The following CORO1C variants were observed in gnomAD, a reference collection of about 807,000 sequenced individuals.
The protein encoded by CORO1C is coronin 1C.
CORO1C carries 14 observed loss-of-function variants against 51.2 expected under a neutral mutation model. That is an observed-to-expected ratio of 0.27 (90% CI 0.18 to 0.43). The LOEUF (loss-of-function observed/expected upper bound fraction) is 0.43, where lower values mean the gene tolerates loss of function less well. Among genes scored for constraint, CORO1C ranks in the 20% least tolerant of loss-of-function variants. The probability of loss-of-function intolerance (pLI) is 1.00; values close to 1 mark genes in which losing one functional copy is unlikely to be tolerated. For missense variants in CORO1C, 417 were observed against 607.8 expected (o/e 0.69, Z 3.30); for synonymous variants, 181 against 210.5 (o/e 0.86, Z 1.21).
intron 2 of CORO1C, among the ~76,000 whole-genome samples, chr12:108,695,859 A>AG (rs2034658876): frequency 6.6e-6 from 1 of 151,440 alleles, no homozygotes; most frequent in African/African-American, 2.4e-5. Context: ...ACTAAAAAAA[A>AG]AAAAAAAAAA....
intron 2 of CORO1C, among the ~76,000 whole-genome samples, chr12:108,689,187 G>A (rs1007630950): frequency 1.3e-5 from 2 of 152,138 alleles, no homozygotes; most frequent in African/African-American, 4.8e-5. Flanking sequence ...GCAACAGAGC[G>A]AGACTCCATC....
rs1048487657 is a variant in CORO1C at position 108,645,926 on chromosome 12, C to T, written c.*1477G>A. The T allele has an allele frequency of 6.6e-6, 1 of 152,182 alleles. No individual in the cohort carries two copies. Among genetic ancestry groups the T allele is most frequent in the African/African-American group, 2.4e-5 (1 of 41,432 alleles). 9.4% of individuals were successfully genotyped at this position (152,182 alleles called of 1,614,324 possible). On this transcript the variant is annotated 3_prime_UTR_variant, in exon 11 of 11. Transcript: ENST00000261401. ...AAGAAACTGGAAACGGGGCAAAGTT[C>T]CAGCTAACCGAGGAATGAACAGGTG...
At chr12:108,665,328 G>T (rs759803302) in intron 3 of CORO1C, among the ~76,000 whole-genome samples, 1 of 152,088 alleles carries the variant, frequency 6.6e-6, no homozygotes, top group Non-Finnish European at 1.5e-5. Context: ...CTGGTTTAAC[G>T]GTTCCCTCAG....
intron 1 of CORO1C, among the ~76,000 whole-genome samples, chr12:108,710,292 G>A (rs752627508): frequency 9.2e-5 from 14 of 152,136 alleles, no homozygotes; most frequent in African/African-American, 4.8e-5. Context: ...TTTTCCAGGT[G>A]ATACTGAAGG....
At chr12:108,716,832 T>C (rs918202796) in intron 1 of CORO1C, among the ~76,000 whole-genome samples, 41 of 152,306 alleles carry the variant, frequency 2.7e-4, no homozygotes, top group African/African-American at 9.6e-4. Context: ...ACGTATTACA[T>C]ATATACTCAA....
intron 3 of CORO1C, among the ~76,000 whole-genome samples, chr12:108,677,805 G>A (rs1224927422): frequency 1.3e-5 from 2 of 152,250 alleles, no homozygotes; most frequent in East Asian, 3.9e-4. Flanking sequence ...GATCACTTGA[G>A]GTCAGGAGTT....
At position 108,658,703 on chromosome 12, in the gene CORO1C, T is replaced by G. The variant is rs758932141; in HGVS notation, c.630+35A>C. 1.1e-5 allele frequency: 18 copies of G among 1,594,680 alleles called. No individual in the cohort carries two copies. The highest frequency in any genetic ancestry group is 1.5e-5 in the Non-Finnish European group (17 of 1,163,778). ...AGAAAGCTCACACTCACTCAAGTGC[T>G]CCAACTACTGAGTTTTCATCCTAGG... is the stretch of plus-strand genomic sequence containing the variant. On this transcript the variant is annotated intron_variant, in intron 5 of 10. Transcript: ENST00000261401. This position sits in a 1 kb window ranked among gnomAD's most constrained non-coding sequence, Gnocchi z 4.9.
At chr12:108,701,047 G>T in intron 2 of CORO1C, 77 bp downstream of exon 2, 4 of 1,472,328 alleles carry the variant, frequency 2.7e-6, no homozygotes, top group South Asian at 2.3e-5. Context: ...AATTCTTAGT[G>T]AACTGTCAAT....
intron 2 of CORO1C, among the ~76,000 whole-genome samples, chr12:108,682,911 T>G (rs886727692): frequency 3.9e-5 from 6 of 152,188 alleles, no homozygotes; most frequent in Admixed American, 1.3e-4. Context: ...ATTTACTAAA[T>G]AATTGTTTTT....
At chr12:108,701,347 T>C (rs1449563761) in intron 1 of CORO1C, 24 bp from the exon 2 acceptor site, 1 of 1,614,074 alleles carries the variant, frequency 6.2e-7, no homozygotes, top group Non-Finnish European at 8.5e-7. Flanking sequence ...GTGAGAATTA[T>C]GTTAGAATTA....
chr12:108,708,321 TA>T (rs1220821872), intron 1 of CORO1C, among the ~76,000 whole-genome samples: 3 of 152,180 alleles, frequency 2.0e-5, no homozygotes, highest in Admixed American at 2.0e-4. Context: ...AATGAAGTAC[TA>T]ATACATGCTA....
chr12:108,694,279 CAAAAAAAAAAAAAAA>C, intron 2 of CORO1C, among the ~76,000 whole-genome samples: 1 of 66,228 alleles, frequency 1.5e-5, no homozygotes, highest in Middle Eastern at 0.011. Context: ...AAGACTGTCT[CAAAAAAAAAAAAAAA>C]AAAAAAAAAA....
intron 3 of CORO1C, among the ~76,000 whole-genome samples, chr12:108,668,207 G>A (rs1221389804): frequency 6.6e-6 from 1 of 152,204 alleles, no homozygotes; most frequent in African/African-American, 2.4e-5. Flanking sequence ...GCCCACAAAG[G>A]CCTGCATGTA....
intron 1 of CORO1C, among the ~76,000 whole-genome samples, chr12:108,724,600 G>A (rs988785444): frequency 6.6e-6 from 1 of 152,152 alleles, no homozygotes; most frequent in African/African-American, 2.4e-5. Flanking sequence ...TCAAGAATGA[G>A]GACCTCTGTA....
intron 2 of CORO1C, among the ~76,000 whole-genome samples, chr12:108,682,431 C>A (rs570809153): frequency 1.3e-5 from 2 of 152,110 alleles, no homozygotes; most frequent in Non-Finnish European, 2.9e-5. Context: ...AGGTGAAATG[C>A]ACTATTAGCG....
chr12:108,648,583 C>A (rs1326391100), intron 10 of CORO1C, 22 bp downstream of exon 10: 1 of 1,613,808 alleles, frequency 6.2e-7, no homozygotes, highest in South Asian at 1.1e-5. Context: ...GCCAAGCACC[C>A]CTGCACTCCA....
chr12:108,720,687 C>A (rs12316028), intron 1 of CORO1C, among the ~76,000 whole-genome samples: 1 of 151,988 alleles, frequency 6.6e-6, no homozygotes, highest in Non-Finnish European at 1.5e-5. Context: ...CCACGCCCGG[C>A]TAATTTTTTG....
chr12:108,699,921 C>T (rs1360550943), intron 2 of CORO1C, among the ~76,000 whole-genome samples: 1 of 152,138 alleles, frequency 6.6e-6, no homozygotes, highest in African/African-American at 2.4e-5. Flanking sequence ...ATCTATCTGG[C>T]CACTGAAGTA....
intron 3 of CORO1C, among the ~76,000 whole-genome samples, chr12:108,669,859 C>T (rs1011330807): frequency 1.3e-5 from 2 of 152,056 alleles, no homozygotes; most frequent in African/African-American, 4.8e-5. Flanking sequence ...ATACAAGCTT[C>T]AATTACTCCA....
Sources: gnomAD v4.1 joint callset for allele counts (sites outside exome capture counted in the v4.1 genomes callset) on GRCh38, gnomAD v4.1.1 for gene constraint, Gnocchi (gnomAD v3.1) non-coding constraint, MANE v1.5 for transcripts, NCBI Gene and HGNC (gene_info 2026-07-23, HGNC 2026-07-21) for gene names.